Variants in ROBO1 observed in about 807,000 individuals in gnomAD.
ROBO1 encodes roundabout guidance receptor 1.
ROBO1 carries 149 observed loss-of-function variants against 195.9 expected under a neutral mutation model. The ratio of observed to expected loss-of-function variants is 0.76; its 90% CI spans 0.67 to 0.87. The LOEUF (loss-of-function observed/expected upper bound fraction) is 0.87. ROBO1 is among the 40% of genes least tolerant of loss of function. The pLI is 0.00. For missense variants in ROBO1, 1,933 were observed against 2,068.3 expected (o/e 0.93, Z 1.27); for synonymous variants, 816 against 733.2 (o/e 1.11, Z -1.82).
intron 5 of ROBO1, among the ~76,000 whole-genome samples, chr3:78,735,802 G>A (rs989328888): frequency 2.0e-5 from 3 of 152,158 alleles, no homozygotes; most frequent in Admixed American, 6.5e-5. Flanking sequence ...TCAAATTTAA[G>A]TGTCATTTTA....
intron 1 of ROBO1, among the ~76,000 whole-genome samples, chr3:79,652,381 G>A (rs1268641231): frequency 6.6e-6 from 1 of 152,052 alleles, no homozygotes; most frequent in Admixed American, 6.6e-5. Context: ...AGCTACCAGT[G>A]TAATCTTGGT....
intron 3 of ROBO1, among the ~76,000 whole-genome samples, chr3:79,086,276 G>A (rs150687140): frequency 6.6e-6 from 1 of 150,976 alleles, no homozygotes; most frequent in Non-Finnish European, 1.5e-5. Flanking sequence ...AGTTCTGCAA[G>A]ATAAAGGTTT....
At chr3:79,719,749 T>G (rs1702624568) in intron 1 of ROBO1, among the ~76,000 whole-genome samples, 1 of 152,198 alleles carries the variant, frequency 6.6e-6, no homozygotes, top group African/African-American at 2.4e-5. Flanking sequence ...TTTCTAAATG[T>G]CTTACACAAA....
chr3:78,992,537 A>T (rs1339653387), intron 3 of ROBO1, among the ~76,000 whole-genome samples: 1 of 152,158 alleles, frequency 6.6e-6, no homozygotes, highest in African/African-American at 2.4e-5. Context: ...GACATTTGTG[A>T]GCAGTTTGTG....
At chr3:79,067,227 T>C (rs1241499157) in intron 3 of ROBO1, among the ~76,000 whole-genome samples, 2 of 151,996 alleles carry the variant, frequency 1.3e-5, no homozygotes, top group African/African-American at 2.4e-5. Flanking sequence ...GTAAAAAAAG[T>C]TGATTATTTC....
intron 2 of ROBO1, among the ~76,000 whole-genome samples, chr3:79,504,413 A>G (rs1196780677): frequency 6.6e-6 from 1 of 152,030 alleles, no homozygotes; most frequent in Non-Finnish European, 1.5e-5. Flanking sequence ...TAAGAGACCT[A>G]TTTTTTCTGA....
At chr3:79,129,281 C>A (rs751450160) in intron 2 of ROBO1, among the ~76,000 whole-genome samples, 20 of 152,016 alleles carry the variant, frequency 1.3e-4, no homozygotes, top group Non-Finnish European at 2.1e-4. Context: ...AAACTGAAAT[C>A]TGATCTATAG....
At chr3:79,473,112 T>C (rs996490692) in intron 2 of ROBO1, among the ~76,000 whole-genome samples, 1 of 152,026 alleles carries the variant, frequency 6.6e-6, no homozygotes, top group African/African-American at 2.4e-5. Context: ...GAAAGTAAAG[T>C]CTTTGCAGAC....
intron 1 of ROBO1, among the ~76,000 whole-genome samples, chr3:79,609,163 G>A (rs1055642102): frequency 6.6e-6 from 1 of 151,508 alleles, no homozygotes; most frequent in Non-Finnish European, 1.5e-5. Flanking sequence ...TGTTTTAGCA[G>A]CACAAACAGA....
chr3:79,651,847 G>T (rs1242402627), intron 1 of ROBO1, among the ~76,000 whole-genome samples: 3 of 152,140 alleles, frequency 2.0e-5, no homozygotes, highest in Non-Finnish European at 4.4e-5. Context: ...TCACTGAAAA[G>T]AAACTAATAT....
At chr3:79,309,587 T>C (rs1240722890) in intron 2 of ROBO1, among the ~76,000 whole-genome samples, 1 of 152,042 alleles carries the variant, frequency 6.6e-6, no homozygotes, top group Non-Finnish European at 1.5e-5. Flanking sequence ...ACCTGGGTTA[T>C]AGAGTGAGAC....
intron 3 of ROBO1, among the ~76,000 whole-genome samples, chr3:78,955,506 T>C (rs2107798830): frequency 6.6e-6 from 1 of 151,886 alleles, no homozygotes; most frequent in Non-Finnish European, 1.5e-5. Flanking sequence ...CATAGGAGGG[T>C]TTTTAAAATT....
chr3:78,749,257 A>C lies in ROBO1; in HGVS notation c.500-2357T>G, dbSNP rs547817316. 2.0e-5 allele frequency among the ~76,000 whole-genome samples: 3 copies of C among 152,302 alleles called. No homozygotes were observed. In the South Asian group the frequency reaches 6.2e-4, roughly 32 times the overall value. ...CAATTTTTCTCTGTGGCAACCTTAA[A>C]ACCAATTTGGTAATGCTATATCTTA... is the stretch of plus-strand genomic sequence containing the variant. On this transcript the variant is annotated intron_variant, in intron 4 of 30. Coordinates refer to ENST00000464233, the MANE Select transcript of ROBO1 (RefSeq NM_002941.4).
In ROBO1 at chr3:79,041,516, T is replaced by A. The variant is rs184782510; in HGVS notation, c.172+83940A>T. Among the ~76,000 whole-genome samples, 8 of 152,108 alleles carry A rather than the reference T, an allele frequency of 5.3e-5. 1 individual carries two copies. In the East Asian group the frequency reaches 1.5e-3, roughly 29 times the overall value. On this transcript the variant is annotated intron_variant, in intron 3 of 30. Transcript: ENST00000464233. ...AATCCCATAGAATGTTCTTTACGGG[T>A]CTATGCATATCAAATTAACAGTTAT...
intron 2 of ROBO1, among the ~76,000 whole-genome samples, chr3:79,448,915 G>A (rs914665079): frequency 2.0e-5 from 3 of 152,220 alleles, no homozygotes; most frequent in South Asian, 2.1e-4. Context: ...CCTTTGAAGG[G>A]ATGATAATTT....
At chr3:79,650,905 CAT>C (rs1209777049) in intron 1 of ROBO1, among the ~76,000 whole-genome samples, 1 of 151,862 alleles carries the variant, frequency 6.6e-6, no homozygotes, top group Non-Finnish European at 1.5e-5. Context: ...TATTAAATAA[CAT>C]GTTATTAAAT....
chr3:79,007,116 CA>C (rs1559583816), intron 3 of ROBO1, among the ~76,000 whole-genome samples: 1 of 151,802 alleles, frequency 6.6e-6, no homozygotes, highest in African/African-American at 2.4e-5. Flanking sequence ...GAATCTGTAT[CA>C]AATAAGAAAA....
At chr3:79,458,633 A>G (rs778901723) in intron 2 of ROBO1, among the ~76,000 whole-genome samples, 1 of 152,170 alleles carries the variant, frequency 6.6e-6, no homozygotes, top group Non-Finnish European at 1.5e-5. Context: ...AAGAAAAAAT[A>G]TATGGAGACG....
At chr3:79,658,877 C>T (rs1434102722) in intron 1 of ROBO1, among the ~76,000 whole-genome samples, 4 of 151,500 alleles carry the variant, frequency 2.6e-5, no homozygotes, top group African/African-American at 9.7e-5. Flanking sequence ...GCTGAGATTA[C>T]AGTCATGTGC....
Sources: allele counts gnomAD v4.1 joint callset (sites outside exome capture counted in the v4.1 genomes callset), GRCh38; gene constraint gnomAD v4.1.1; transcripts MANE v1.5; gene names NCBI Gene and HGNC (gene_info 2026-07-23, HGNC 2026-07-21).